The following TADA1 variants were observed in gnomAD, a reference collection of about 807,000 sequenced individuals.
TADA1 encodes the protein transcriptional adaptor 1, also known as transcriptional adapter 1.
TADA1 carries 23 observed loss-of-function variants against 39.3 expected under a neutral mutation model. The observed-to-expected ratio is 0.58, with a 90% CI of 0.42 to 0.83. The LOEUF (loss-of-function observed/expected upper bound fraction) is 0.83. Among genes scored for constraint, TADA1 ranks in the 40% least tolerant of loss-of-function variants. The pLI, the probability that TADA1 is intolerant of heterozygous loss-of-function variation, is 0.00. For synonymous variants in TADA1, 137 were observed against 151.8 expected (o/e 0.90, Z 0.72); for missense variants, 352 against 408.1 (o/e 0.86, Z 1.18).
chr1:166,861,086 A>AT (rs1334134600), intron 5 of TADA1, among the ~76,000 whole-genome samples: 1 of 152,258 alleles, frequency 6.6e-6, no homozygotes, highest in Non-Finnish European at 1.5e-5. Flanking sequence ...CAAAAGCCAC[A>AT]TAAACAACAG....
At chr1:166,869,276 TA>T (rs200445746) in intron 3 of TADA1, 168 bp downstream of exon 3, 59,187 of 392,986 alleles carry the variant, frequency 0.15, 35 homozygotes, top group South Asian at 0.19. Context: ...GTTTCTGCTT[TA>T]AAAAAAAAAA....
At chr1:166,873,973 G>A (rs1658710998) in intron 1 of TADA1, among the ~76,000 whole-genome samples, 1 of 151,858 alleles carries the variant, frequency 6.6e-6, no homozygotes, top group African/African-American at 2.4e-5. Flanking sequence ...ATTTATTTTG[G>A]TATGTAAACG....
At chr1:166,865,151 C>G (rs547289504) in intron 3 of TADA1, among the ~76,000 whole-genome samples, 1 of 151,800 alleles carries the variant, frequency 6.6e-6, no homozygotes, top group Non-Finnish European at 1.5e-5. Flanking sequence ...AAATTTCCAA[C>G]AGGTATCCGC....
intron 1 of TADA1, among the ~76,000 whole-genome samples, chr1:166,875,528 C>T (rs1037178498): frequency 3.9e-5 from 6 of 152,238 alleles, no homozygotes; most frequent in Non-Finnish European, 7.3e-5. Flanking sequence ...ATGGGAATAA[C>T]AACTGTACCT....
chr1:166,857,737 A>C lies in TADA1; in HGVS notation c.856-18T>G, dbSNP rs1209224687. On this transcript the variant is annotated intron_variant, in intron 7 of 7. Transcript: ENST00000367874. Reference sequence around the variant, plus strand: ...CTGTGCACCTGGGATTAAAAAATTAACGCATGTCCAATTATACTTGAGTAG... The same window carrying C: ...CTGTGCACCTGGGATTAAAAAATTACCGCATGTCCAATTATACTTGAGTAG... 6 of 1,607,840 alleles carry C rather than the reference A, an allele frequency of 3.7e-6. No homozygotes were observed. The South Asian group carries it at 5.6e-5, about 15-fold the overall frequency.
At chr1:166,861,754 TAAAAG>T (rs747992298) in intron 5 of TADA1, among the ~76,000 whole-genome samples, 1 of 152,190 alleles carries the variant, frequency 6.6e-6, no homozygotes, top group Non-Finnish European at 1.5e-5. Flanking sequence ...TTTCTCCTCT[TAAAAG>T]AAAACAACTT....
At position 166,862,369 on chromosome 1, in the gene TADA1, A is replaced by G. The variant is rs767824103; in HGVS notation, c.374T>C (p.Phe125Ser). Reference sequence around the variant, plus strand: ...ATCATCTTGGGGATCCTTTGCCACAAATTGCTGGGCTCCTGAGAGAGGATT... The same window carrying G: ...ATCATCTTGGGGATCCTTTGCCACAGATTGCTGGGCTCCTGAGAGAGGATT... ...PQNPLSGAQQFVAKDPQDDDD... is the reference protein window; with the variant it reads ...PQNPLSGAQQSVAKDPQDDDD... Residue 125 changes from phenylalanine (F) to serine (S), a missense_variant, in exon 5 of 8, where the codon TTT (phenylalanine) becomes TCT (serine). Around this residue, in one of 3 missense-constraint regions of TADA1, gnomAD observed 285 missense variants for 310.9 expected, o/e 0.92. Coordinates refer to ENST00000367874, the MANE Select transcript of TADA1 (RefSeq NM_053053.4). The G allele has an allele frequency of 1.1e-5, 17 of 1,614,082 alleles. No individual in the cohort carries two copies. The highest frequency in any genetic ancestry group is 1.4e-5 in the Non-Finnish European group (17 of 1,180,044).
intron 1 of TADA1, among the ~76,000 whole-genome samples, chr1:166,874,823 T>C (rs780101843): frequency 7.2e-5 from 11 of 152,220 alleles, no homozygotes; most frequent in Non-Finnish European, 1.6e-4. Flanking sequence ...TAAATAAATG[T>C]TCACCAAAAA....
At chr1:166,876,051 G>T in intron 1 of TADA1, 109 bp downstream of exon 1, 1 of 1,107,580 alleles carries the variant, frequency 9.0e-7, no homozygotes, top group Non-Finnish European at 1.2e-6. Flanking sequence ...GCGGACTCCA[G>T]GCTGCACAGG....
chr1:166,859,243 T>C (rs1214519195), intron 6 of TADA1, among the ~76,000 whole-genome samples: 1 of 152,120 alleles, frequency 6.6e-6, no homozygotes, highest in Non-Finnish European at 1.5e-5. Context: ...TCCAACTCTC[T>C]TAGCTTTCCC....
intron 3 of TADA1, among the ~76,000 whole-genome samples, 165 bp from the exon 4 acceptor site, chr1:166,864,086 G>T (rs915697607): frequency 4.3e-4 from 65 of 152,106 alleles, no homozygotes; most frequent in African/African-American, 1.4e-3. Context: ...TAAAATTATC[G>T]ATCCTCTCAA....
At position 166,862,091 on chromosome 1, in the gene TADA1, T is replaced by G; in HGVS notation, c.540+112A>C. 4.7e-6 allele frequency: 5 copies of G among 1,067,958 alleles called. No homozygotes were observed. In the South Asian group the frequency reaches 7.4e-5, roughly 16 times the overall value. The allele number at this position is 1,067,958 out of a possible 1,614,324, so 66.2% of individuals were successfully genotyped here. Reference sequence around the variant, plus strand: ...AGAAAACAACTTCAACAATGACAATTCTGTGAAATCAGAGTGACATTTGGA... The same window carrying G: ...AGAAAACAACTTCAACAATGACAATGCTGTGAAATCAGAGTGACATTTGGA... On this transcript the variant is annotated intron_variant, in intron 5 of 7. Transcript: ENST00000367874.
chr1:166,874,703 T>C (rs1283573507), intron 1 of TADA1, among the ~76,000 whole-genome samples: 1 of 152,058 alleles, frequency 6.6e-6, no homozygotes, highest in Non-Finnish European at 1.5e-5. Context: ...TCTCTTGAGC[T>C]CAGGAGATCA....
At chr1:166,867,919 A>G (rs1212780734) in intron 3 of TADA1, among the ~76,000 whole-genome samples, 1 of 152,168 alleles carries the variant, frequency 6.6e-6, no homozygotes, top group African/African-American at 2.4e-5. Flanking sequence ...ACAGAGAGAG[A>G]GGATTAAAAA....
At chr1:166,876,120 C>A (rs1311651092) in intron 1 of TADA1, 40 bp downstream of exon 1, 1 of 1,583,344 alleles carries the variant, frequency 6.3e-7, no homozygotes, top group Non-Finnish European at 8.6e-7. Context: ...AGGAGAGCAC[C>A]CGCGTGTTGG....
intron 3 of TADA1, among the ~76,000 whole-genome samples, chr1:166,868,204 T>G (rs539891187): frequency 6.6e-6 from 1 of 152,312 alleles, no homozygotes; most frequent in African/African-American, 2.4e-5. Flanking sequence ...TTTTGACTGA[T>G]TAAAATAAGA....
At position 166,876,257 on chromosome 1, in the gene TADA1, C is replaced by G; in HGVS notation, c.-24G>C. The stretch of plus-strand genomic sequence containing the variant: ...ATTGCTCCGCGTGTCTCAGCCCGAC[C>G]GCAGACCGCCCGGCCACCGCGATCA... On this transcript the variant is annotated 5_prime_UTR_variant, in exon 1 of 8. Coordinates refer to ENST00000367874, the MANE Select transcript of TADA1 (RefSeq NM_053053.4). The G allele has an allele frequency of 1.2e-6, 2 of 1,608,438 alleles. No individual in the cohort carries two copies. Among genetic ancestry groups the G allele is most frequent in the Non-Finnish European group, 1.7e-6 (2 of 1,177,750 alleles).
intron 3 of TADA1, chr1:166,868,955 G>C (rs1022538230): frequency 1.5e-5 from 3 of 197,070 alleles, no homozygotes; most frequent in Middle Eastern, 1.1e-3. Flanking sequence ...CTGGGTGTTA[G>C]AAAAGAGTAG....
At chr1:166,874,238 G>A (rs1239300296) in intron 1 of TADA1, among the ~76,000 whole-genome samples, 1 of 151,852 alleles carries the variant, frequency 6.6e-6, no homozygotes, top group African/African-American at 2.4e-5. Context: ...CTACTCAGGA[G>A]GCTGAGGCAG....
Sources: gnomAD v4.1 joint callset for allele counts (sites outside exome capture counted in the v4.1 genomes callset) on GRCh38, gnomAD v4.1.1 for gene constraint, gnomAD v4.1.1 regional missense constraint, MANE v1.5 for transcripts, NCBI Gene and HGNC (gene_info 2026-07-23, HGNC 2026-07-21) for gene names.